PTGFRN: variants seen among roughly 807,000 people sequenced by gnomAD.
The protein encoded by PTGFRN is prostaglandin F2 receptor inhibitor, also known as prostaglandin F2 receptor negative regulator.
Under a neutral mutation model 83.2 loss-of-function variants are expected in PTGFRN, and 35 were observed. The observed-to-expected ratio is 0.42, with a 90% CI of 0.32 to 0.56. PTGFRN has a LOEUF of 0.56. PTGFRN is among the 20% of genes least tolerant of loss of function. The pLI is 0.11. For synonymous variants in PTGFRN, 519 were observed against 498.6 expected, an observed-to-expected ratio of 1.04 and a Z score of -0.55; for missense variants, 1,051 against 1,179.5, an observed-to-expected ratio of 0.89 and a Z score of 1.60.
chr1:116,969,134 T>A (rs969927277), intron 6 of PTGFRN, among the ~76,000 whole-genome samples: 1 of 148,668 alleles, frequency 6.7e-6, no homozygotes, highest in South Asian at 2.1e-4. Flanking sequence ...TTTTTTTTTT[T>A]CCTTTTGTTG....
intron 1 of PTGFRN, among the ~76,000 whole-genome samples, chr1:116,938,734 A>C (rs1304745335): frequency 6.6e-6 from 1 of 152,226 alleles, no homozygotes; most frequent in Non-Finnish European, 1.5e-5. Flanking sequence ...TTTCAGCATT[A>C]ACTTACAAGT....
intron 7 of PTGFRN, among the ~76,000 whole-genome samples, chr1:116,976,587 G>A (rs1302245221): frequency 6.6e-6 from 1 of 152,160 alleles, no homozygotes; most frequent in Non-Finnish European, 1.5e-5. Context: ...TTAAAGAAAA[G>A]CATTTTCAAC....
In PTGFRN at chr1:116,923,869, C is replaced by A. The variant is rs989933787; in HGVS notation, c.49+13617C>A. 1.3e-5 allele frequency among the ~76,000 whole-genome samples: 2 copies of A among 152,114 alleles called. No individual in the cohort carries two copies. The highest frequency in any genetic ancestry group is 2.9e-5 in the Non-Finnish European group (2 of 68,018). On this transcript the variant is annotated intron_variant, in intron 1 of 8. Transcript: ENST00000393203. The surrounding 1 kb of genome is among the most constrained non-coding windows in gnomAD (Gnocchi z 4.0). ...CCCCATGTCGAGCATTATTCTGGAT[C>A]TGGGGGCACCTAAAAACATAGATCG...
At chr1:116,913,031 AGTGG>A (rs1649311489) in intron 1 of PTGFRN, among the ~76,000 whole-genome samples, 1 of 152,134 alleles carries the variant, frequency 6.6e-6, no homozygotes, top group Non-Finnish European at 1.5e-5. Context: ...GCATTTCTTG[AGTGG>A]CCACTCTGTG....
intron 5 of PTGFRN, among the ~76,000 whole-genome samples, chr1:116,963,680 T>C (rs1394333291): frequency 6.6e-6 from 1 of 152,114 alleles, no homozygotes; most frequent in Non-Finnish European, 1.5e-5. Flanking sequence ...TGATTGTAGC[T>C]CACTGCAGCC....
rs1462579709 is a variant in PTGFRN at position 116,930,447 on chromosome 1, C to T, written c.50-11268C>T. On this transcript the variant is annotated intron_variant, in intron 1 of 8. Transcript: ENST00000393203. ...CACTGCTGGGCAGATTTCCTTTTTA[C>T]CCCCCACTCCCTCCGTGCATGTGAC... Among the ~76,000 whole-genome samples the T allele has an allele frequency of 2.6e-5, 4 of 152,296 alleles. No individual in the cohort carries two copies. In the South Asian group the frequency reaches 8.3e-4, roughly 32 times the overall value.
At chr1:116,950,846 T>C (rs1290411276) in intron 4 of PTGFRN, among the ~76,000 whole-genome samples, 1 of 152,208 alleles carries the variant, frequency 6.6e-6, no homozygotes, top group Non-Finnish European at 1.5e-5. Context: ...GGGGTTTATC[T>C]GGCAAGCTTT....
chr1:116,961,361 G>A lies in PTGFRN; in HGVS notation c.1332G>A (p.Thr444=), dbSNP rs757016832. 9 of 1,598,096 alleles carry A rather than the reference G, an allele frequency of 5.6e-6. No homozygotes were observed. The highest frequency in any genetic ancestry group is 2.2e-5 in the East Asian group (1 of 44,616). Residue 444 remains threonine, a synonymous_variant, in exon 5 of 9, where the codon ACG becomes ACA. Transcript: ENST00000393203. This position sits in a 1 kb window ranked among gnomAD's most constrained non-coding sequence, Gnocchi z 5.4. ...GTGGGGAGGCGAATGTCCGATTCAC[G>A]GTTTCGTGGTACTACAGGATGAACC... ...TKSGEANVRF[T]VSWYYRMNRR...
chr1:116,971,305 C>T (rs1224915161), intron 6 of PTGFRN, among the ~76,000 whole-genome samples: 5 of 151,638 alleles, frequency 3.3e-5, no homozygotes, highest in African/African-American at 1.2e-4. Context: ...TATTGATGGA[C>T]ATGCAGATGG....
chr1:116,974,988 TGACA>T (rs1242970824), intron 7 of PTGFRN, among the ~76,000 whole-genome samples: 1 of 152,156 alleles, frequency 6.6e-6, no homozygotes, highest in Non-Finnish European at 1.5e-5. Context: ...AGGGAAGCTG[TGACA>T]GACAGCACCT....
At chr1:116,962,508 T>C (rs1650693535) in intron 5 of PTGFRN, 1 of 152,528 alleles carries the variant, frequency 6.6e-6, no homozygotes, top group African/African-American at 2.4e-5. Context: ...GCACTGGAAT[T>C]TTTAAATGCT....
intron 7 of PTGFRN, among the ~76,000 whole-genome samples, chr1:116,984,147 TA>T (rs1651396881): frequency 6.6e-6 from 1 of 152,238 alleles, no homozygotes; most frequent in African/African-American, 2.4e-5. Flanking sequence ...TAGTGTACAA[TA>T]AAATCTAAAC....
chr1:116,917,048 A>G (rs1351219094), intron 1 of PTGFRN, among the ~76,000 whole-genome samples: 2 of 152,038 alleles, frequency 1.3e-5, no homozygotes, highest in Non-Finnish European at 2.9e-5. Flanking sequence ...CCAAGCAGAG[A>G]TGGGTGTGAG....
At chr1:116,971,131 T>G (rs1650983386) in intron 6 of PTGFRN, among the ~76,000 whole-genome samples, 1 of 152,230 alleles carries the variant, frequency 6.6e-6, no homozygotes, top group Non-Finnish European at 1.5e-5. Flanking sequence ...TTCTTGTATA[T>G]TTTCTTCATG....
chr1:116,954,922 T>C (rs952821703), intron 4 of PTGFRN, among the ~76,000 whole-genome samples: 5 of 152,244 alleles, frequency 3.3e-5, no homozygotes, highest in Non-Finnish European at 7.3e-5. Flanking sequence ...AAGCCCTTGA[T>C]AAATGCTCGT....
intron 5 of PTGFRN, among the ~76,000 whole-genome samples, chr1:116,963,851 A>G (rs1001536861): frequency 6.6e-6 from 1 of 150,908 alleles, no homozygotes; most frequent in Non-Finnish European, 1.5e-5. Context: ...GGCTTATTGT[A>G]GCTTCAGCCT....
intron 1 of PTGFRN, among the ~76,000 whole-genome samples, chr1:116,922,443 A>G (rs1249257229): frequency 6.6e-6 from 1 of 152,190 alleles, no homozygotes; most frequent in Non-Finnish European, 1.5e-5. Context: ...TTTCATTACC[A>G]TTTATCCCAC....
rs544740216 is a variant in PTGFRN, at chr1:116,975,133, C to T, written c.2167+810C>T. Reference sequence around the variant, plus strand: ...CACAGAGCCTCGCTCATTGCTAGCACGGCAGTCTGAGATCGAACTGCAAGG... The same window carrying T: ...CACAGAGCCTCGCTCATTGCTAGCATGGCAGTCTGAGATCGAACTGCAAGG... On this transcript the variant is annotated intron_variant, in intron 7 of 8. Transcript: ENST00000393203. Among the ~76,000 whole-genome samples, 7 of 152,302 alleles carry T rather than the reference C, an allele frequency of 4.6e-5. No individual in the cohort carries two copies. The East Asian group carries it at 7.7e-4, about 17-fold the overall frequency.
At chr1:116,985,836 ACAGT>A (rs1393453398) in intron 8 of PTGFRN, among the ~76,000 whole-genome samples, 5 of 152,156 alleles carry the variant, frequency 3.3e-5, no homozygotes, top group Admixed American at 2.0e-4. Flanking sequence ...ACCTAACTAG[ACAGT>A]CAGAGCTTTG....
Sources: allele counts gnomAD v4.1 joint callset (sites outside exome capture counted in the v4.1 genomes callset), GRCh38; gene constraint gnomAD v4.1.1; non-coding constraint Gnocchi (gnomAD v3.1); transcripts MANE v1.5; gene names NCBI Gene and HGNC (gene_info 2026-07-23, HGNC 2026-07-21).